Variants in APLF observed in about 807,000 individuals in gnomAD.
APLF encodes the protein aprataxin and PNK-like factor.
Under a neutral mutation model 55.6 loss-of-function variants are expected in APLF, and 61 were observed. The observed-to-expected ratio is 1.10, with a 90% CI of 0.89 to 1.36. The LOEUF is 1.36. Ranked by LOEUF, APLF falls within the 40% of genes most tolerant of loss-of-function variation. The pLI is 0.00. For synonymous variants in APLF, 207 were observed against 214.8 expected (o/e 0.96, Z 0.32); for missense variants, 611 against 602.5 (o/e 1.01, Z -0.15).
chr2:68,502,290 AATT>A (rs1676745470), intron 2 of APLF, among the ~76,000 whole-genome samples: 1 of 152,188 alleles, frequency 6.6e-6, no homozygotes, highest in Admixed American at 6.6e-5. Context: ...TGTAATAAGA[AATT>A]AGTAGGAGAA....
At chr2:68,479,562 T>A (rs773713450) in intron 1 of APLF, among the ~76,000 whole-genome samples, 15 of 152,224 alleles carry the variant, frequency 9.9e-5, no homozygotes, top group Non-Finnish European at 2.1e-4. Flanking sequence ...GAAGCAGCAG[T>A]GCCAGTTACC....
Position 68,467,785 on chromosome 2 carries a change from G to C in APLF, c.54G>C (p.Leu18=). 4 of 1,234,306 alleles carry C rather than the reference G, an allele frequency of 3.2e-6. No individual in the cohort carries two copies. In the East Asian group the frequency reaches 1.3e-4, roughly 39 times the overall value. The allele number at this position is 1,234,306 out of a possible 1,614,324, so 76.5% of individuals were successfully genotyped here. A position where few individuals can be genotyped will look rare whatever the true frequency, so the allele number is the denominator to read the frequency against. ...QPRDGGPRVA[L]APGETVIGRG... ...GGGACGGCGGTCCCCGGGTGGCCCT[G>C]GCGCCCGGGGAGACGGTGATCGGCC... is the stretch of plus-strand genomic sequence containing the variant. The change falls in exon 1 of 10, where the codon CTG becomes CTC. Residue 18 remains leucine, a synonymous_variant. Transcript: ENST00000303795.
Position 68,578,505 on chromosome 2 carries a change from T to A in APLF, c.*483T>A, listed in dbSNP as rs968372002. 2 of 987,202 alleles carry A rather than the reference T, an allele frequency of 2.0e-6. No homozygotes were observed. The highest frequency in any genetic ancestry group is 2.4e-6 in the Non-Finnish European group (2 of 831,342). 61.2% of individuals were successfully genotyped at this position (987,202 alleles called of 1,614,324 possible). A position where few individuals can be genotyped will look rare whatever the true frequency, so the allele number is the denominator to read the frequency against. ...TTACATAATGGCGTTTTTTTTCTAG[T>A]ACCTTAGATGTGAGCTTTGCAATTT... On this transcript the variant is annotated 3_prime_UTR_variant, in exon 10 of 10. Coordinates refer to ENST00000303795, the MANE Select transcript of APLF (RefSeq NM_173545.3).
At chr2:68,490,001 A>G (rs1329788779) in intron 1 of APLF, among the ~76,000 whole-genome samples, 189 bp from the exon 2 acceptor site, 1 of 151,922 alleles carries the variant, frequency 6.6e-6, no homozygotes, top group Admixed American at 6.6e-5. Flanking sequence ...GACTTTGGGC[A>G]GGTTTTTTTA....
rs748862747 is a variant in APLF, at chr2:68,567,386, A to G, written c.1332A>G (p.Pro444=). Residue 444 remains proline, a splice_region_variant and synonymous_variant, in exon 9 of 10, where the codon CCA becomes CCG. Transcript: ENST00000303795. ...TAGAATATAGACATAATACGCTTCCAGGTAAGTAAGTTTACTTCAGAAAAT... is the reference window on the plus strand; with the variant it reads ...TAGAATATAGACATAATACGCTTCCGGGTAAGTAAGTTTACTTCAGAAAAT... ...HKIEYRHNTL[P]VRNVLDEDND... The G allele has an allele frequency of 3.8e-6, 6 of 1,597,480 alleles. No individual in the cohort carries two copies. The highest frequency in any genetic ancestry group is 5.1e-6 in the Non-Finnish European group (6 of 1,172,154).
chr2:68,537,804 G>T, intron 6 of APLF, 68 bp from the exon 7 acceptor site: 2 of 1,137,712 alleles, frequency 1.8e-6, no homozygotes, highest in East Asian at 5.0e-5. Flanking sequence ...GTAGTTTTGT[G>T]CTGTTATGCT....
intron 8 of APLF, among the ~76,000 whole-genome samples, chr2:68,561,422 G>T (rs1166263198): frequency 6.6e-6 from 1 of 152,102 alleles, no homozygotes; most frequent in African/African-American, 2.4e-5. Context: ...TGCCAGATGA[G>T]AACAGGCCCA....
chr2:68,518,133 TA>T (rs1469119384), intron 5 of APLF, among the ~76,000 whole-genome samples: 16 of 127,264 alleles, frequency 1.3e-4, no homozygotes, highest in African/African-American at 4.7e-4. Context: ...TAATATATAT[TA>T]ATATATAATA....
intron 1 of APLF, among the ~76,000 whole-genome samples, chr2:68,488,123 A>G (rs1676240829): frequency 6.6e-6 from 1 of 152,152 alleles, no homozygotes; most frequent in African/African-American, 2.4e-5. Context: ...CTGTTAAAGG[A>G]ACCAGCTTTA....
chr2:68,563,463 G>A (rs1374316501), intron 8 of APLF: 1 of 689,664 alleles, frequency 1.4e-6, no homozygotes, highest in Admixed American at 6.3e-5. Flanking sequence ...TGTTTTCCAG[G>A]ATAATAGAGA....
intron 3 of APLF, among the ~76,000 whole-genome samples, chr2:68,510,123 C>T (rs554492982): frequency 4.7e-4 from 71 of 150,922 alleles, no homozygotes; most frequent in African/African-American, 1.3e-3. Flanking sequence ...ATGTAAATGA[C>T]GAGTTAATGG....
In APLF at chr2:68,527,364, C is replaced by T. The variant is rs536476151; in HGVS notation, c.804+1122C>T. 1.0e-4 allele frequency among the ~76,000 whole-genome samples: 15 copies of T among 150,702 alleles called. No homozygotes were observed. The South Asian group carries it at 1.9e-3, about 19-fold the overall frequency. ...GGCGGGGCAGAGGCACTCCTCACTT[C>T]GCAGACAGGATGGTGGCTGGGCAAA... is the stretch of plus-strand genomic sequence containing the variant. On this transcript the variant is annotated intron_variant, in intron 6 of 9. Transcript: ENST00000303795.
chr2:68,491,163 A>G (rs1159638584), intron 2 of APLF, among the ~76,000 whole-genome samples: 1 of 152,194 alleles, frequency 6.6e-6, no homozygotes, highest in Non-Finnish European at 1.5e-5. Flanking sequence ...ATAATCTTTA[A>G]AAGAGTTTAT....
chr2:68,516,300 T>C (rs1669576299), intron 5 of APLF, among the ~76,000 whole-genome samples: 1 of 151,766 alleles, frequency 6.6e-6, no homozygotes, highest in South Asian at 2.1e-4. Context: ...CCTTTTTTGA[T>C]CTGCCCTTGC....
rs971431500 is a variant in APLF, at chr2:68,467,789, C to T, written c.58C>T (p.Pro20Ser). The T allele has an allele frequency of 1.5e-5, 19 of 1,234,204 alleles. No homozygotes were observed. Among genetic ancestry groups the T allele is most frequent in the Non-Finnish European group, 1.3e-5 (13 of 988,148 alleles). The allele number at this position is 1,234,204 out of a possible 1,614,324, so 76.5% of individuals were successfully genotyped here. A position where few individuals can be genotyped will look rare whatever the true frequency, so the allele number is the denominator to read the frequency against. ...RDGGPRVALA[P>S]GETVIGRGPL... is the part of the protein sequence containing the mutation. ...CGGCGGTCCCCGGGTGGCCCTGGCG[C>T]CCGGGGAGACGGTGATCGGCCGCGG... is the stretch of plus-strand genomic sequence containing the variant. Residue 20 changes from proline to serine, a missense_variant, in exon 1 of 10, where the codon CCC becomes TCC. Pro to Ser is a moderately conservative substitution (Grantham distance 74). Coordinates refer to ENST00000303795, the MANE Select transcript of APLF (RefSeq NM_173545.3).
intron 7 of APLF, among the ~76,000 whole-genome samples, chr2:68,538,933 C>T (rs1051209357): frequency 5.3e-5 from 8 of 152,108 alleles, no homozygotes; most frequent in African/African-American, 1.9e-4. Flanking sequence ...CAATAAGACA[C>T]TAGTCAGCAT....
chr2:68,545,340 TC>T (rs1295724514), intron 8 of APLF, 28 bp downstream of exon 8: 16 of 1,592,734 alleles, frequency 1.0e-5, no homozygotes, highest in Non-Finnish European at 1.4e-5. Flanking sequence ...TTGGCTGCAC[TC>T]CTTTTCTTTC....
intron 5 of APLF, among the ~76,000 whole-genome samples, chr2:68,521,478 G>T (rs1481134276): frequency 6.6e-6 from 1 of 151,810 alleles, no homozygotes; most frequent in Non-Finnish European, 1.5e-5. Context: ...CTTGGATGTT[G>T]TCATGAGTTT....
In APLF at chr2:68,578,970, A is replaced by G. The variant is rs72903951; in HGVS notation, c.*948A>G. ...GTTCTAAAACTACTTTAAGCCCTAT[A>G]ATGCTCTTCATATTACGTGACTTTG... On this transcript the variant is annotated 3_prime_UTR_variant, in exon 10 of 10. Coordinates refer to ENST00000303795, the MANE Select transcript of APLF (RefSeq NM_173545.3). 27,179 of 984,424 alleles carry G rather than the reference A, an allele frequency of 0.028. 2,005 individuals are homozygous for G. Among genetic ancestry groups the G allele is most frequent in the African/African-American group, 0.25 (14,353 of 57,230 alleles). The allele number at this position is 984,424 out of a possible 1,614,324, so 61.0% of individuals were successfully genotyped here.
Sources: gnomAD v4.1 joint callset for allele counts (sites outside exome capture counted in the v4.1 genomes callset) on GRCh38, gnomAD v4.1.1 for gene constraint, MANE v1.5 for transcripts, NCBI Gene and HGNC (gene_info 2026-07-23, HGNC 2026-07-21) for gene names.